Variants in GSK3B observed in about 807,000 individuals in gnomAD.
GSK3B encodes glycogen synthase kinase 3 beta, also known as glycogen synthase kinase-3 beta.
GSK3B carries 15 observed loss-of-function variants against 56.4 expected under a neutral mutation model. That is an observed-to-expected ratio of 0.27 (90% CI 0.18 to 0.41). The LOEUF (loss-of-function observed/expected upper bound fraction) is 0.41. GSK3B is among the 10% of genes least tolerant of loss of function. The pLI, the probability that GSK3B is intolerant of heterozygous loss-of-function variation, is 1.00. For synonymous variants in GSK3B, 181 were observed against 188.9 expected (o/e 0.96, Z 0.34); for missense variants, 300 against 513.4 (o/e 0.58, Z 4.02).
intron 1 of GSK3B, among the ~76,000 whole-genome samples, chr3:120,040,088 G>T (rs940138045): frequency 6.6e-6 from 1 of 152,224 alleles, no homozygotes; most frequent in African/African-American, 2.4e-5. Context: ...ATACCACAGC[G>T]ACTAGGTAAC....
intron 9 of GSK3B, among the ~76,000 whole-genome samples, chr3:119,856,609 C>T (rs951157993): frequency 2.1e-4 from 32 of 152,118 alleles, no homozygotes; most frequent in Non-Finnish European, 1.2e-4. Context: ...CCCTTTTAGT[C>T]CACTCATAAA....
At chr3:120,073,219 TAAAAAAAAAAA>T (rs972347264) in intron 1 of GSK3B, among the ~76,000 whole-genome samples, 13 of 70,632 alleles carry the variant, frequency 1.8e-4, no homozygotes, top group African/African-American at 6.3e-4. Flanking sequence ...CAAAAAAAAT[TAAAAAAAAAAA>T]AAAAAAAAAA....
At chr3:119,974,421 C>T (rs867163142) in intron 2 of GSK3B, among the ~76,000 whole-genome samples, 1 of 151,666 alleles carries the variant, frequency 6.6e-6, no homozygotes, top group East Asian at 1.9e-4. Context: ...AGATTAATAC[C>T]CTTATAAAAG....
intron 2 of GSK3B, among the ~76,000 whole-genome samples, chr3:119,954,053 A>T (rs182491073): frequency 2.6e-5 from 4 of 152,236 alleles, no homozygotes; most frequent in Admixed American, 6.5e-5. Flanking sequence ...ACATACTATA[A>T]GTGTTTTAAG....
At chr3:119,858,213 T>G (rs560898651) in intron 9 of GSK3B, among the ~76,000 whole-genome samples, 1 of 152,162 alleles carries the variant, frequency 6.6e-6, no homozygotes, top group Non-Finnish European at 1.5e-5. Context: ...AGTCAACCTA[T>G]CCTTTGAAGC....
At chr3:120,054,954 C>T (rs1034407479) in intron 1 of GSK3B, among the ~76,000 whole-genome samples, 5 of 152,150 alleles carry the variant, frequency 3.3e-5, no homozygotes, top group African/African-American at 1.2e-4. Context: ...TCTTTCTTGA[C>T]TCCTCCTTTC....
At chr3:119,989,398 T>C (rs2057543312) in intron 2 of GSK3B, among the ~76,000 whole-genome samples, 1 of 151,966 alleles carries the variant, frequency 6.6e-6, no homozygotes, top group Non-Finnish European at 1.5e-5. Flanking sequence ...ATCCCAGCAT[T>C]TTGGGAGGCT....
intron 8 of GSK3B, among the ~76,000 whole-genome samples, chr3:119,865,104 C>G (rs892744447): frequency 6.6e-6 from 1 of 151,980 alleles, no homozygotes; most frequent in Non-Finnish European, 1.5e-5. Flanking sequence ...TAATCATATA[C>G]AGAATGTAAA....
chr3:119,829,756 A>G (rs1194664787), intron 10 of GSK3B, among the ~76,000 whole-genome samples: 1 of 152,226 alleles, frequency 6.6e-6, no homozygotes, highest in Non-Finnish European at 1.5e-5. Context: ...CTTTTAAGTG[A>G]GCATAAAACC....
intron 4 of GSK3B, 142 bp from the exon 5 acceptor site, chr3:119,916,316 G>A (rs2056780355): frequency 3.2e-6 from 2 of 624,140 alleles, no homozygotes; most frequent in Non-Finnish European, 2.7e-6. Context: ...CCTTTCACAA[G>A]TTTTGTGTCA....
chr3:119,990,322 G>A (rs1461291919), intron 2 of GSK3B, among the ~76,000 whole-genome samples: 1 of 151,944 alleles, frequency 6.6e-6, no homozygotes, highest in Non-Finnish European at 1.5e-5. Flanking sequence ...CTTGTGATAA[G>A]CCCCCTCACC....
In GSK3B at chr3:119,906,758, C is replaced by T. The variant is rs554965216; in HGVS notation, c.716-906G>A. 2.6e-3 allele frequency among the ~76,000 whole-genome samples: 402 copies of T among 151,992 alleles called. 3 individuals are homozygous for T. Among genetic ancestry groups the T allele is most frequent in the Non-Finnish European group, 4.5e-3 (303 of 67,930 alleles). On this transcript the variant is annotated intron_variant, in intron 6 of 10. Coordinates refer to ENST00000264235, the MANE Select transcript of GSK3B (RefSeq NM_001146156.2). ...CCAACACTCAAGTGCTTTAGGGAGA[C>T]GAATATGAATCATTGCTGGACTTTA...
intron 8 of GSK3B, among the ~76,000 whole-genome samples, chr3:119,874,589 T>G (rs2056287669): frequency 2.6e-5 from 4 of 151,928 alleles, no homozygotes; most frequent in African/African-American, 9.7e-5. Flanking sequence ...TCTCATGGAC[T>G]CAATTTCAGC....
intron 1 of GSK3B, among the ~76,000 whole-genome samples, chr3:120,008,720 A>G (rs2107494482): frequency 6.6e-6 from 1 of 152,354 alleles, no homozygotes; most frequent in South Asian, 2.1e-4. Context: ...AGATGGATCA[A>G]AGACTTAAAC....
chr3:119,947,109 A>G lies in GSK3B; in HGVS notation c.366+159T>C, dbSNP rs577548299. 2.0e-5 allele frequency among the ~76,000 whole-genome samples: 3 copies of G among 152,336 alleles called. No individual in the cohort carries two copies. The East Asian group carries it at 5.8e-4, about 29-fold the overall frequency. On this transcript the variant is annotated intron_variant, in intron 3 of 10. Transcript: ENST00000264235. ...TAATGCTTTCCTGATATAACTAATGATATCAATGACCATACCTTGGGCTGA... is the reference window on the plus strand; with the variant it reads ...TAATGCTTTCCTGATATAACTAATGGTATCAATGACCATACCTTGGGCTGA...
chr3:119,844,841 T>G (rs953737378), intron 9 of GSK3B, among the ~76,000 whole-genome samples: 5 of 152,152 alleles, frequency 3.3e-5, no homozygotes, highest in African/African-American at 1.2e-4. Flanking sequence ...TAGCAAAACC[T>G]GGCAGAGACA....
chr3:120,046,862 CG>C (rs965485732), intron 1 of GSK3B, among the ~76,000 whole-genome samples: 4 of 152,174 alleles, frequency 2.6e-5, no homozygotes, highest in African/African-American at 9.6e-5. Flanking sequence ...CTGCCCGCCT[CG>C]GCCTCCCAAA....
chr3:119,958,157 T>A (rs895038610), intron 2 of GSK3B, among the ~76,000 whole-genome samples: 3 of 152,060 alleles, frequency 2.0e-5, no homozygotes, highest in African/African-American at 7.2e-5. Context: ...GCACGATGAC[T>A]CTCTCTCCCA....
At chr3:119,868,328 A>AT (rs2056208528) in intron 8 of GSK3B, among the ~76,000 whole-genome samples, 1 of 152,228 alleles carries the variant, frequency 6.6e-6, no homozygotes, top group Non-Finnish European at 1.5e-5. Context: ...TTTTTCAAAA[A>AT]GAAAGTTTCT....
Sources: allele counts gnomAD v4.1 joint callset (sites outside exome capture counted in the v4.1 genomes callset), GRCh38; gene constraint gnomAD v4.1.1; transcripts MANE v1.5; gene names NCBI Gene and HGNC (gene_info 2026-07-23, HGNC 2026-07-21).